ZCCHC17: variants seen among roughly 807,000 people sequenced by gnomAD.
The protein encoded by ZCCHC17 is zinc finger CCHC-type containing 17, also known as zinc finger CCHC domain-containing protein 17.
Under a neutral mutation model 30.6 loss-of-function variants are expected in ZCCHC17, and 18 were observed. That is an observed-to-expected ratio of 0.59 (90% CI 0.41 to 0.87). The LOEUF (loss-of-function observed/expected upper bound fraction) is 0.87. Ranked by LOEUF, ZCCHC17 falls within the 40% of genes least tolerant of loss-of-function variation. The pLI is 0.00. For missense variants in ZCCHC17, 263 were observed against 284.2 expected (o/e 0.93, Z 0.54); for synonymous variants, 88 against 92.4 (o/e 0.95, Z 0.27).
chr1:31,350,059 G>A (rs1639415637), intron 7 of ZCCHC17, among the ~76,000 whole-genome samples: 1 of 152,120 alleles, frequency 6.6e-6, no homozygotes, highest in African/African-American at 2.4e-5. Flanking sequence ...ACTATTTATG[G>A]CAGAGCAATT....
intron 1 of ZCCHC17, among the ~76,000 whole-genome samples, chr1:31,298,261 C>T (rs1258394944): frequency 6.6e-6 from 1 of 152,042 alleles, no homozygotes; most frequent in Non-Finnish European, 1.5e-5. Flanking sequence ...AGAGAGGAAT[C>T]AAAGGTAACT....
At chr1:31,299,500 A>C (rs1646254670) in intron 1 of ZCCHC17, among the ~76,000 whole-genome samples, 2 of 152,190 alleles carry the variant, frequency 1.3e-5, no homozygotes, top group African/African-American at 2.4e-5. Context: ...CCTTGCACCT[A>C]AGGTGAAAAT....
intron 1 of ZCCHC17, among the ~76,000 whole-genome samples, chr1:31,301,847 G>C (rs1426250500): frequency 6.6e-6 from 1 of 152,146 alleles, no homozygotes; most frequent in Non-Finnish European, 1.5e-5. Flanking sequence ...GTCCACGACT[G>C]GAATTTGAAA....
At chr1:31,337,443 C>A (rs186572322) in intron 4 of ZCCHC17, among the ~76,000 whole-genome samples, 168 bp downstream of exon 4, 1 of 152,128 alleles carries the variant, frequency 6.6e-6, no homozygotes, top group Non-Finnish European at 1.5e-5. Flanking sequence ...GTAGACTGTC[C>A]TGCAAACTCA....
chr1:31,305,568 C>T (rs1340948752), intron 1 of ZCCHC17, among the ~76,000 whole-genome samples: 1 of 152,074 alleles, frequency 6.6e-6, no homozygotes, highest in Non-Finnish European at 1.5e-5. Flanking sequence ...GGGATACAGG[C>T]GTGAGCCACC....
intron 5 of ZCCHC17, among the ~76,000 whole-genome samples, chr1:31,344,211 G>A (rs906845535): frequency 6.6e-6 from 1 of 151,934 alleles, no homozygotes; most frequent in Non-Finnish European, 1.5e-5. Flanking sequence ...GGCTGATCTT[G>A]AACTCCTGGT....
intron 2 of ZCCHC17, among the ~76,000 whole-genome samples, chr1:31,315,916 T>C (rs1165710959): frequency 6.6e-6 from 1 of 152,108 alleles, no homozygotes. Context: ...GCCTAAACAG[T>C]TGAGTGCATC....
chr1:31,337,085 C>G, intron 3 of ZCCHC17, 90 bp from the exon 4 acceptor site: 1 of 1,215,200 alleles, frequency 8.2e-7, no homozygotes, highest in Non-Finnish European at 1.1e-6. Context: ...TTTTCCCTTG[C>G]ATTCCCCAAC....
In ZCCHC17 at chr1:31,364,850, G is replaced by A. The variant is rs887628758; in HGVS notation, c.*657G>A. On this transcript the variant is annotated 3_prime_UTR_variant, in exon 8 of 8. Transcript: ENST00000344147. ...GAAGCCAAGATCATTGTTCTACTTT[G>A]TATTTACTACTGTGTGAATCAGTTG... is the stretch of plus-strand genomic sequence containing the variant. 6.6e-6 allele frequency: 1 copy of A among 152,398 alleles called. No individual in the cohort carries two copies. The highest frequency in any genetic ancestry group is 6.5e-5 in the Admixed American group (1 of 15,314). The allele number at this position is 152,398 out of a possible 1,614,324, so 9.4% of individuals were successfully genotyped here. A position where few individuals can be genotyped will look rare whatever the true frequency, so the allele number is the denominator to read the frequency against.
intron 1 of ZCCHC17, among the ~76,000 whole-genome samples, chr1:31,299,531 ATG>A (rs1202859490): frequency 6.6e-6 from 1 of 152,206 alleles, no homozygotes; most frequent in Non-Finnish European, 1.5e-5. Flanking sequence ...ACTGAGTTAA[ATG>A]TGGAAAGAAG....
chr1:31,337,632 A>G (rs1352824318), intron 4 of ZCCHC17, among the ~76,000 whole-genome samples: 1 of 152,226 alleles, frequency 6.6e-6, no homozygotes, highest in Non-Finnish European at 1.5e-5. Context: ...CCTGCCAGAT[A>G]CACTTCAGTT....
intron 7 of ZCCHC17, among the ~76,000 whole-genome samples, chr1:31,363,015 A>G (rs1639975794): frequency 6.6e-6 from 1 of 152,196 alleles, no homozygotes; most frequent in African/African-American, 2.4e-5. Context: ...TATGTGTAAC[A>G]TACACAGTTT....
At chr1:31,323,735 T>C (rs562843883) in intron 3 of ZCCHC17, among the ~76,000 whole-genome samples, 34 of 152,310 alleles carry the variant, frequency 2.2e-4, no homozygotes, top group African/African-American at 8.2e-4. Flanking sequence ...TTTAAAACAC[T>C]CCTAAAATCT....
intron 5 of ZCCHC17, among the ~76,000 whole-genome samples, chr1:31,345,290 G>A (rs1165466704): frequency 6.6e-6 from 1 of 151,336 alleles, no homozygotes; most frequent in East Asian, 1.9e-4. Context: ...CCAAGTTGCT[G>A]GGACTACAGG....
chr1:31,349,057 C>T, intron 7 of ZCCHC17, 83 bp downstream of exon 7: 1 of 1,447,158 alleles, frequency 6.9e-7, no homozygotes, highest in Non-Finnish European at 9.2e-7. Flanking sequence ...CAGCAGTACA[C>T]ACCTGTAGTC....
Position 31,346,899 on chromosome 1 carries a change from G to A in ZCCHC17, c.418+159G>A, listed in dbSNP as rs941104688. On this transcript the variant is annotated intron_variant, in intron 6 of 7. Coordinates refer to ENST00000344147, the MANE Select transcript of ZCCHC17 (RefSeq NM_016505.4). ...ACCAGACTCACATCAGAGTTCATGG[G>A]GTGATACATTTTCTGTTTTCTTTTC... 24 of 1,441,830 alleles carry A rather than the reference G, an allele frequency of 1.7e-5. No homozygotes were observed. In the Admixed American group the frequency reaches 4.8e-4, roughly 29 times the overall value. The allele number at this position is 1,441,830 out of a possible 1,614,324, so 89.3% of individuals were successfully genotyped here. A position where few individuals can be genotyped will look rare whatever the true frequency, so the allele number is the denominator to read the frequency against.
rs540843748 is a variant in ZCCHC17, at chr1:31,301,378, C to T, written c.-56+4303C>T. ...ATCATTCATATTTTGCAATCTTGAG[C>T]GAGTTTACTTAGCTTCTCTTGTGTC... On this transcript the variant is annotated intron_variant, in intron 1 of 7. Transcript: ENST00000344147. Among the ~76,000 whole-genome samples the T allele has an allele frequency of 3.3e-5, 5 of 152,238 alleles. No individual in the cohort carries two copies. In the South Asian group the frequency reaches 6.2e-4, roughly 19 times the overall value.
intron 4 of ZCCHC17, 119 bp downstream of exon 4, chr1:31,337,394 A>T (rs1437528979): frequency 1.2e-6 from 1 of 853,378 alleles, no homozygotes; most frequent in African/African-American, 1.7e-5. Flanking sequence ...TTATTTTTAA[A>T]TCCTGCCATT....
At chr1:31,300,947 GA>G (rs143444526) in intron 1 of ZCCHC17, among the ~76,000 whole-genome samples, 5 of 149,318 alleles carry the variant, frequency 3.3e-5, no homozygotes, top group Admixed American at 1.3e-4. Flanking sequence ...AAAAAAAAAA[GA>G]AAAAAAAGGG....
Sources: allele counts gnomAD v4.1 joint callset (sites outside exome capture counted in the v4.1 genomes callset), GRCh38; gene constraint gnomAD v4.1.1; transcripts MANE v1.5; gene names NCBI Gene and HGNC (gene_info 2026-07-23, HGNC 2026-07-21).